Variants in NAV2 observed in about 807,000 individuals in gnomAD.
NAV2 encodes neuron navigator 2.
Under a neutral mutation model 223.2 loss-of-function variants are expected in NAV2, and 54 were observed. That is an observed-to-expected ratio of 0.24 (90% confidence interval 0.19 to 0.30). The LOEUF (loss-of-function observed/expected upper bound fraction) is 0.30, where lower values mean the gene tolerates loss of function less well. NAV2 is among the 10% of genes least tolerant of loss of function. The pLI is 1.00. For missense variants in NAV2, 2,806 were observed against 3,147.5 expected (o/e 0.89, Z 2.60); for synonymous variants, 1,279 against 1,239.3 (o/e 1.03, Z -0.67).
intron 12 of NAV2, among the ~76,000 whole-genome samples, chr11:20,037,711 A>G (rs1427521364): frequency 6.6e-6 from 1 of 152,264 alleles, no homozygotes; most frequent in Non-Finnish European, 1.5e-5. Flanking sequence ...TTTACTGTAC[A>G]AAAACCAAAC....
chr11:20,014,033 G>A (rs1215995490), intron 11 of NAV2, among the ~76,000 whole-genome samples: 2 of 152,230 alleles, frequency 1.3e-5, no homozygotes, highest in Non-Finnish European at 2.9e-5. Context: ...CATGAGGGCT[G>A]CATGACCGGG....
At chr11:19,357,968 A>T (rs1037027623) in intron 1 of NAV2, among the ~76,000 whole-genome samples, 7 of 152,096 alleles carry the variant, frequency 4.6e-5, no homozygotes, top group Non-Finnish European at 1.0e-4. Flanking sequence ...TAACCTCAGC[A>T]CCAGGAAAAA....
chr11:19,693,501 C>A (rs1185359578), intron 1 of NAV2, among the ~76,000 whole-genome samples: 1 of 152,100 alleles, frequency 6.6e-6, no homozygotes, highest in African/African-American at 2.4e-5. Flanking sequence ...CTTTAAGAGG[C>A]CACCAAAGTC....
At chr11:19,391,415 C>A (rs1385859536) in intron 1 of NAV2, among the ~76,000 whole-genome samples, 4 of 152,218 alleles carry the variant, frequency 2.6e-5, no homozygotes, top group African/African-American at 2.4e-5. Flanking sequence ...CATATGACTT[C>A]ATCATCACCC....
At chr11:19,398,311 A>T (rs1311422063) in intron 1 of NAV2, among the ~76,000 whole-genome samples, 1 of 152,136 alleles carries the variant, frequency 6.6e-6, no homozygotes, top group Non-Finnish European at 1.5e-5. Flanking sequence ...CACTATTGCT[A>T]GGAGAGCAAT....
At chr11:20,022,530 A>G in intron 11 of NAV2, 6 of 985,098 alleles carry the variant, frequency 6.1e-6, no homozygotes, top group Non-Finnish European at 7.2e-6. Flanking sequence ...TTTCCTTTTT[A>G]GGTTCAGAAA....
chr11:19,465,565 A>G (rs768754448), intron 1 of NAV2, among the ~76,000 whole-genome samples: 1 of 152,242 alleles, frequency 6.6e-6, no homozygotes, highest in Non-Finnish European at 1.5e-5. Context: ...TTGGAAAGTT[A>G]TAGAAACAGG....
intron 1 of NAV2, among the ~76,000 whole-genome samples, chr11:19,633,091 G>C (rs959883060): frequency 6.6e-6 from 1 of 151,796 alleles, no homozygotes; most frequent in South Asian, 2.1e-4. Context: ...TCTGTTCATC[G>C]CAGTGCCTGG....
intron 1 of NAV2, among the ~76,000 whole-genome samples, chr11:19,454,380 A>C (rs911991669): frequency 2.0e-5 from 3 of 152,102 alleles, no homozygotes; most frequent in African/African-American, 7.2e-5. Context: ...AGCTAAGAGG[A>C]CACAGCCTGT....
At chr11:20,066,687 C>G (rs944270150) in intron 20 of NAV2, among the ~76,000 whole-genome samples, 10 of 152,174 alleles carry the variant, frequency 6.6e-5, no homozygotes, top group African/African-American at 2.4e-4. Context: ...ATCATACCCA[C>G]TTTGTATTGT....
At chr11:19,523,647 G>A (rs950569569) in intron 1 of NAV2, among the ~76,000 whole-genome samples, 1 of 152,208 alleles carries the variant, frequency 6.6e-6, no homozygotes, top group East Asian at 1.9e-4. Flanking sequence ...GGAAGTCCAT[G>A]TGCCATGAGG....
chr11:20,103,861 T>A lies in NAV2; in HGVS notation c.6644+137T>A, dbSNP rs1340155164. ...TAAGCATTTTTCTCAGCTTAATCCA[T>A]TTAATTTTAACTTCAGCCTCAAGTA... is the stretch of plus-strand genomic sequence containing the variant. On this transcript the variant is annotated intron_variant, in intron 34 of 37. Transcript: ENST00000349880. 4 of 792,414 alleles carry A rather than the reference T, an allele frequency of 5.0e-6. No homozygotes were observed. In the Admixed American group the frequency reaches 8.9e-5, roughly 18 times the overall value. 49.1% of individuals were successfully genotyped at this position (792,414 alleles called of 1,614,324 possible). A position where few individuals can be genotyped will look rare whatever the true frequency, so the allele number is the denominator to read the frequency against.
At chr11:19,472,519 A>G (rs1390599621) in intron 1 of NAV2, among the ~76,000 whole-genome samples, 1 of 152,180 alleles carries the variant, frequency 6.6e-6, no homozygotes, top group Non-Finnish European at 1.5e-5. Flanking sequence ...GCCTGGAGTA[A>G]TACAGGGCGG....
intron 1 of NAV2, among the ~76,000 whole-genome samples, chr11:19,719,125 T>C (rs966385095): frequency 6.6e-6 from 1 of 152,180 alleles, no homozygotes; most frequent in African/African-American, 2.4e-5. Context: ...CTTGGAACCA[T>C]TCTGAAAAAG....
At chr11:19,545,575 T>G (rs1226919896) in intron 1 of NAV2, among the ~76,000 whole-genome samples, 2 of 152,172 alleles carry the variant, frequency 1.3e-5, no homozygotes, top group Non-Finnish European at 2.9e-5. Flanking sequence ...GTGAGTAGAC[T>G]GAATCAGGAA....
chr11:19,890,364 C>A (rs1246017486), intron 5 of NAV2, among the ~76,000 whole-genome samples: 1 of 152,180 alleles, frequency 6.6e-6, no homozygotes, highest in Non-Finnish European at 1.5e-5. Context: ...AAGTCCTTAT[C>A]CTGTCCTAAA....
chr11:19,816,959 C>T (rs1411369633), intron 1 of NAV2, among the ~76,000 whole-genome samples: 2 of 152,094 alleles, frequency 1.3e-5, no homozygotes, highest in Non-Finnish European at 2.9e-5. Flanking sequence ...AGGGACTCCA[C>T]CTGGAGCCCT....
chr11:19,552,892 T>TG (rs1315249650), intron 1 of NAV2, among the ~76,000 whole-genome samples: 2 of 66,186 alleles, frequency 3.0e-5, no homozygotes, highest in African/African-American at 2.0e-4. Context: ...TGTGAGTGTG[T>TG]GTGGGGGGGA....
intron 22 of NAV2, among the ~76,000 whole-genome samples, chr11:20,071,163 C>T (rs1798330360): frequency 7.3e-6 from 1 of 136,952 alleles, no homozygotes; most frequent in Non-Finnish European, 1.5e-5. Flanking sequence ...TATCCATGTG[C>T]CATGTGTTCT....
Sources: allele counts gnomAD v4.1 joint callset (sites outside exome capture counted in the v4.1 genomes callset), GRCh38; gene constraint gnomAD v4.1.1; transcripts MANE v1.5; gene names NCBI Gene and HGNC (gene_info 2026-07-23, HGNC 2026-07-21).